The following QSOX1 variants were observed in gnomAD, a reference collection of about 807,000 sequenced individuals.
QSOX1 encodes sulfhydryl oxidase 1.
Under a neutral mutation model 76.1 loss-of-function variants are expected in QSOX1, and 40 were observed. The ratio of observed to expected loss-of-function variants is 0.53; its 90% CI spans 0.41 to 0.68. The LOEUF (loss-of-function observed/expected upper bound fraction) is 0.68, where lower values mean the gene tolerates loss of function less well. Ranked by LOEUF, QSOX1 falls within the 30% of genes least tolerant of loss-of-function variation. The probability of loss-of-function intolerance (pLI) is 0.00; values close to 1 mark genes in which losing one functional copy is unlikely to be tolerated. For missense variants in QSOX1, 931 were observed against 974.3 expected, an observed-to-expected ratio of 0.96 and a Z score of 0.59; for synonymous variants, 392 against 413.1, an observed-to-expected ratio of 0.95 and a Z score of 0.62.
chr1:180,181,817 G>A (rs1663043817), intron 5 of QSOX1, among the ~76,000 whole-genome samples: 1 of 152,128 alleles, frequency 6.6e-6, no homozygotes, highest in Non-Finnish European at 1.5e-5. Flanking sequence ...CTGGCTCAGT[G>A]CAAAAAACAA....
chr1:180,165,636 C>T (rs991804892), intron 1 of QSOX1, among the ~76,000 whole-genome samples: 2 of 152,256 alleles, frequency 1.3e-5, no homozygotes, highest in Admixed American at 1.3e-4. Context: ...TTGGCCCCTG[C>T]CACTGCCCTC....
Position 180,194,200 on chromosome 1 carries a change from C to A in QSOX1, c.1289-13C>A. On this transcript the variant is annotated splice_polypyrimidine_tract_variant and intron_variant, in intron 10 of 11. Transcript: ENST00000367602. Reference sequence around the variant, plus strand: ...CTGAAGGGCTGGTGCGTGGCATCTCCTCTGCCCTGTAGCCAAGGCCAAGGA... The same window carrying A: ...CTGAAGGGCTGGTGCGTGGCATCTCATCTGCCCTGTAGCCAAGGCCAAGGA... The A allele has an allele frequency of 6.2e-7, 1 of 1,608,118 alleles. No individual in the cohort carries two copies. Among genetic ancestry groups the A allele is most frequent in the Non-Finnish European group, 8.5e-7 (1 of 1,177,592 alleles).
chr1:180,185,294 C>T (rs1663144308), intron 7 of QSOX1, among the ~76,000 whole-genome samples: 1 of 152,134 alleles, frequency 6.6e-6, no homozygotes. Context: ...ACTGAGTTGC[C>T]CAAGCTCACA....
Position 180,198,778 on chromosome 1 carries a change from C to T in QSOX1, c.*1741C>T. ...CCCTTGGGCTGGCCCTGGCTGGGGG[C>T]CTGAGAGACAGACAGGAACCCACAA... On this transcript the variant is annotated 3_prime_UTR_variant, in exon 12 of 12. Coordinates refer to ENST00000367602, the MANE Select transcript of QSOX1 (RefSeq NM_002826.5). 1 of 233,832 alleles carries T rather than the reference C, an allele frequency of 4.3e-6. No homozygotes were observed. Among genetic ancestry groups the T allele is most frequent in the South Asian group, 5.6e-5 (1 of 17,890 alleles). 14.5% of individuals were successfully genotyped at this position (233,832 alleles called of 1,614,324 possible).
chr1:180,159,573 A>G lies in QSOX1; in HGVS notation c.265+4401A>G, dbSNP rs138613177. Among the ~76,000 whole-genome samples the G allele has an allele frequency of 5.5e-3, 833 of 152,348 alleles. 3 individuals carry two copies. The highest frequency in any genetic ancestry group is 8.0e-3 in the Non-Finnish European group (543 of 68,028). ...GCTGAGCAGAGGAGTTTGGCTTTAT[A>G]GACAGAAAAAGGCTGAAGAAAGTAG... On this transcript the variant is annotated intron_variant, in intron 1 of 11. Coordinates refer to ENST00000367602, the MANE Select transcript of QSOX1 (RefSeq NM_002826.5).
rs370480842 is a variant in QSOX1 at position 180,165,804 on chromosome 1, G to A, written c.266-687G>A. On this transcript the variant is annotated intron_variant, in intron 1 of 11. Transcript: ENST00000367602. ...TGAGCTTGTTTCTTCTCAGTTCCTG[G>A]GCTGTGGCCCAGAATGGTGCCATTA... Among the ~76,000 whole-genome samples, 41 of 152,342 alleles carry A rather than the reference G, an allele frequency of 2.7e-4. No homozygotes were observed. The South Asian group carries it at 7.2e-3, about 27-fold the overall frequency.
intron 1 of QSOX1, 143 bp downstream of exon 1, chr1:180,155,315 A>G (rs3820312): frequency 2.6e-6 from 2 of 759,134 alleles, no homozygotes; most frequent in Non-Finnish European, 3.9e-6. Flanking sequence ...TCCCACGCCC[A>G]CCACCTTCAT....
chr1:180,166,436 G>A (rs947559266), intron 1 of QSOX1, 55 bp from the exon 2 acceptor site: 39 of 1,413,670 alleles, frequency 2.8e-5, no homozygotes, highest in South Asian at 2.2e-4. Context: ...GGAGATGGGC[G>A]GGCAGAGGGG....
intron 2 of QSOX1, among the ~76,000 whole-genome samples, chr1:180,175,018 G>A (rs1422636609): frequency 6.6e-6 from 1 of 152,144 alleles, no homozygotes; most frequent in East Asian, 1.9e-4. Flanking sequence ...TTAGTCGAGT[G>A]TGGTGGTGGG....
At chr1:180,180,142 C>A (rs1437603732) in intron 5 of QSOX1, among the ~76,000 whole-genome samples, 1 of 152,256 alleles carries the variant, frequency 6.6e-6, no homozygotes, top group Non-Finnish European at 1.5e-5. Flanking sequence ...GCTGTGTGAT[C>A]TGGAGGCATG....
intron 1 of QSOX1, among the ~76,000 whole-genome samples, chr1:180,163,044 A>G (rs1662529822): frequency 6.6e-6 from 1 of 152,150 alleles, no homozygotes; most frequent in Non-Finnish European, 1.5e-5. Flanking sequence ...TCCTTTTAAG[A>G]ACAGATCAAT....
intron 1 of QSOX1, among the ~76,000 whole-genome samples, chr1:180,161,921 G>A (rs868298104): frequency 1.3e-5 from 2 of 152,116 alleles, no homozygotes; most frequent in Non-Finnish European, 2.9e-5. Context: ...AGACGTTTCC[G>A]TGGATCTCCT....
chr1:180,178,921 G>A lies in QSOX1; in HGVS notation c.606+37G>A. ...TGAAGTTCCCTGCAATTCTTGGATA[G>A]CCATGGAGAGAGAGCCCCAGTTTGG... On this transcript the variant is annotated intron_variant, in intron 5 of 11. Coordinates refer to ENST00000367602, the MANE Select transcript of QSOX1 (RefSeq NM_002826.5). 5.1e-6 allele frequency: 8 copies of A among 1,567,286 alleles called. No individual in the cohort carries two copies. The South Asian group carries it at 7.8e-5, about 15-fold the overall frequency.
intron 11 of QSOX1, among the ~76,000 whole-genome samples, chr1:180,194,934 C>T (rs1663421638): frequency 1.3e-5 from 2 of 148,430 alleles, no homozygotes; most frequent in Admixed American, 1.4e-4. Flanking sequence ...AGGGAGCCAT[C>T]TGTGGACAGG....
chr1:180,182,036 G>T, intron 5 of QSOX1, 138 bp from the exon 6 acceptor site: 2 of 775,616 alleles, frequency 2.6e-6, no homozygotes, highest in Middle Eastern at 3.5e-4. Context: ...GCATCAGTGT[G>T]GTCCACTCTT....
In QSOX1 at chr1:180,200,946, G is replaced by A. The variant is rs1481222111; in HGVS notation, c.*3909G>A. The A allele has an allele frequency of 1.3e-5, 2 of 152,216 alleles. No individual in the cohort carries two copies. The highest frequency in any genetic ancestry group is 2.4e-5 in the African/African-American group (1 of 41,450). 9.4% of individuals were successfully genotyped at this position (152,216 alleles called of 1,614,324 possible). ...CTGTTGTGTGTTGGTGTCAAGGAGTGGGGACACCCTGAAGGAATCCGCCTT... is the reference window on the plus strand; with the variant it reads ...CTGTTGTGTGTTGGTGTCAAGGAGTAGGGACACCCTGAAGGAATCCGCCTT... On this transcript the variant is annotated 3_prime_UTR_variant, in exon 12 of 12. Coordinates refer to ENST00000367602, the MANE Select transcript of QSOX1 (RefSeq NM_002826.5).
chr1:180,155,096 G>A lies in QSOX1; in HGVS notation c.189G>A (p.Val63=). The A allele has an allele frequency of 6.6e-7, 1 of 1,523,626 alleles. No homozygotes were observed. The allele number at this position is 1,523,626 out of a possible 1,614,324, so 94.4% of individuals were successfully genotyped here. A position where few individuals can be genotyped will look rare whatever the true frequency, so the allele number is the denominator to read the frequency against. The change falls in exon 1 of 12, where the codon GTG becomes GTA. Residue 63 remains valine (V), a synonymous_variant. Coordinates refer to ENST00000367602, the MANE Select transcript of QSOX1 (RefSeq NM_002826.5). ...TGGGCTCCCGCAGCGCCTGGGCCGT[G>A]GAGTTCTTCGCCTCCTGGTGCGGCC... ...AVLGSRSAWA[V]EFFASWCGHC...
chr1:180,174,153 C>T lies in QSOX1; in HGVS notation c.367-1168C>T, dbSNP rs571279010. On this transcript the variant is annotated intron_variant, in intron 2 of 11. Transcript: ENST00000367602. ...CCACAGGAAGAAGCCTCTTCCCAGC[C>T]TGCAGGCTCTCCCCTAGGCAGTTCA... Among the ~76,000 whole-genome samples, 4 of 152,382 alleles carry T rather than the reference C, an allele frequency of 2.6e-5. No individual in the cohort carries two copies. In the East Asian group the frequency reaches 7.7e-4, roughly 29 times the overall value.
chr1:180,155,817 C>A (rs137994163), intron 1 of QSOX1, among the ~76,000 whole-genome samples: 1 of 152,318 alleles, frequency 6.6e-6, no homozygotes, highest in Non-Finnish European at 1.5e-5. Flanking sequence ...GGGCCACATC[C>A]TTCTCTCTCT....
Sources: allele counts gnomAD v4.1 joint callset (sites outside exome capture counted in the v4.1 genomes callset), GRCh38; gene constraint gnomAD v4.1.1; transcripts MANE v1.5; gene names NCBI Gene and HGNC (gene_info 2026-07-23, HGNC 2026-07-21).